The following ACTR3B variants were observed in gnomAD, a reference collection of about 807,000 sequenced individuals.
ACTR3B encodes the protein actin-related protein 3B.
A neutral mutation model predicts 59.0 loss-of-function variants in ACTR3B; 8 were observed. That is an observed-to-expected ratio of 0.14 (90% CI 0.08 to 0.24). The LOEUF (loss-of-function observed/expected upper bound fraction) is 0.24, where lower values mean the gene tolerates loss of function less well. Ranked by LOEUF, ACTR3B falls within the 10% of genes least tolerant of loss-of-function variation. The pLI, the probability that ACTR3B is intolerant of heterozygous loss-of-function variation, is 1.00. For synonymous variants in ACTR3B, 148 were observed against 197.9 expected (o/e 0.75, Z 2.12); for missense variants, 245 against 552.3 (o/e 0.44, Z 5.58).
At chr7:152,761,619 C>T (rs1327342678) in intron 1 of ACTR3B, among the ~76,000 whole-genome samples, 1 of 152,086 alleles carries the variant, frequency 6.6e-6, no homozygotes, top group Admixed American at 6.5e-5. Context: ...TGTTTTGTGG[C>T]CCAAAGTCAT....
chr7:152,847,214 A>C (rs1334722134), intron 9 of ACTR3B, among the ~76,000 whole-genome samples: 1 of 151,864 alleles, frequency 6.6e-6, no homozygotes. Flanking sequence ...TCCGGGCTGT[A>C]GTCTGCAGTG....
chr7:152,789,692 T>G (rs2098188305), intron 2 of ACTR3B, among the ~76,000 whole-genome samples: 1 of 151,980 alleles, frequency 6.6e-6, no homozygotes, highest in African/African-American at 2.4e-5. Flanking sequence ...TTCGTGTTTC[T>G]TTTCTTGGTC....
chr7:152,846,400 G>A (rs1015254910), intron 9 of ACTR3B, among the ~76,000 whole-genome samples: 1 of 149,448 alleles, frequency 6.7e-6, no homozygotes, highest in African/African-American at 2.5e-5. Context: ...TAGTGCCCGG[G>A]GCTGTAGTCT....
chr7:152,760,043 A>G, intron 1 of ACTR3B, 117 bp downstream of exon 1: 1 of 976,558 alleles, frequency 1.0e-6, no homozygotes, highest in Non-Finnish European at 1.3e-6. Context: ...CCCCGCGATC[A>G]CCTGGGCAGG....
chr7:152,806,646 G>A (rs2098252901), intron 4 of ACTR3B, among the ~76,000 whole-genome samples: 1 of 152,136 alleles, frequency 6.6e-6, no homozygotes, highest in Non-Finnish European at 1.5e-5. Context: ...GTTCCAGGAA[G>A]GAGGAGGGTG....
chr7:152,763,174 G>A (rs2098095612), intron 1 of ACTR3B, among the ~76,000 whole-genome samples: 1 of 151,678 alleles, frequency 6.6e-6, no homozygotes, highest in Admixed American at 6.6e-5. Flanking sequence ...AAATTAGCTG[G>A]GTGTGGTGGT....
rs550956515 is a variant in ACTR3B, at chr7:152,771,636, T to G, written c.45-11551T>G. Among the ~76,000 whole-genome samples the G allele has an allele frequency of 2.8e-3, 432 of 152,298 alleles. 3 individuals carry two copies. The highest frequency in any genetic ancestry group is 9.9e-3 in the African/African-American group (413 of 41,552). ...TTCCTGCTGAAGAGAACAGAGTGTG[T>G]GGAACAGATGTAACATTAATAAATA... is the stretch of plus-strand genomic sequence containing the variant. On this transcript the variant is annotated intron_variant, in intron 1 of 11. Coordinates refer to ENST00000256001, the MANE Select transcript of ACTR3B (RefSeq NM_020445.6).
intron 9 of ACTR3B, among the ~76,000 whole-genome samples, chr7:152,847,903 T>G (rs1771612680): frequency 6.6e-6 from 1 of 152,210 alleles, no homozygotes; most frequent in South Asian, 2.1e-4. Flanking sequence ...GATGCGCGTT[T>G]CTTCCCGCCG....
intron 2 of ACTR3B, among the ~76,000 whole-genome samples, chr7:152,791,491 TG>T (rs2098196048): frequency 6.6e-6 from 1 of 152,276 alleles, no homozygotes; most frequent in Admixed American, 6.5e-5. Flanking sequence ...TTTCCTATTT[TG>T]CCCCCAAAGG....
intron 2 of ACTR3B, among the ~76,000 whole-genome samples, chr7:152,798,639 A>G (rs1374660785): frequency 2.0e-5 from 3 of 152,222 alleles, no homozygotes; most frequent in African/African-American, 4.8e-5. Flanking sequence ...TTTTCTTCTA[A>G]TAGTTTCACA....
chr7:152,794,794 T>C (rs2116697349), intron 2 of ACTR3B, among the ~76,000 whole-genome samples: 1 of 152,298 alleles, frequency 6.6e-6, no homozygotes, highest in South Asian at 2.1e-4. Flanking sequence ...AGATCTCCAA[T>C]GTCCTCTTCA....
In ACTR3B at chr7:152,786,336, T is replaced by G. The variant is rs534620925; in HGVS notation, c.100+3094T>G. 4 of 205,360 alleles carry G rather than the reference T, an allele frequency of 1.9e-5. No individual in the cohort carries two copies. The East Asian group carries it at 6.0e-4, about 31-fold the overall frequency. The allele number at this position is 205,360 out of a possible 1,614,324, so 12.7% of individuals were successfully genotyped here. ...GGGAGGCCAAGGTGGGCGAATCACC[T>G]GAGGTCAGGGATTTGAGACCAGCCT... On this transcript the variant is annotated intron_variant, in intron 2 of 11. Coordinates refer to ENST00000256001, the MANE Select transcript of ACTR3B (RefSeq NM_020445.6).
intron 1 of ACTR3B, among the ~76,000 whole-genome samples, chr7:152,772,416 C>T (rs1388981263): frequency 1.3e-5 from 2 of 151,984 alleles, no homozygotes; most frequent in Non-Finnish European, 2.9e-5. Flanking sequence ...TGTCAGTAAC[C>T]TGGGAGGCAG....
chr7:152,815,537 G>T (rs541123836), intron 5 of ACTR3B, among the ~76,000 whole-genome samples: 5 of 152,176 alleles, frequency 3.3e-5, no homozygotes, highest in Admixed American at 3.3e-4. Flanking sequence ...CTTCGTCTTC[G>T]ACCAGGGTTT....
chr7:152,826,521 A>G (rs1796587452), intron 9 of ACTR3B, among the ~76,000 whole-genome samples: 1 of 152,248 alleles, frequency 6.6e-6, no homozygotes, highest in Middle Eastern at 3.2e-3. Context: ...AATACAAAGT[A>G]CAAAGAAAGG....
chr7:152,847,915 G>C (rs2117000557), intron 9 of ACTR3B, among the ~76,000 whole-genome samples: 1 of 152,314 alleles, frequency 6.6e-6, no homozygotes, highest in East Asian at 1.9e-4. Context: ...TTCCCGCCGT[G>C]TCTTCTAATG....
At chr7:152,812,019 C>CTTTTTTTTTTTTTTTTTTTTTTTT (rs1164677748) in intron 4 of ACTR3B, 1 of 23,356 alleles carries the variant, frequency 4.3e-5, no homozygotes, top group African/African-American at 1.1e-4. Flanking sequence ...AAATAAAAGT[C>CTTTTTTTTTTTTTTTTTTTTTTTT]TTTTTTTTTT....
intron 4 of ACTR3B, among the ~76,000 whole-genome samples, chr7:152,804,241 TCAAAGAGATGC>T (rs1329253663): frequency 6.6e-6 from 1 of 152,176 alleles, no homozygotes; most frequent in Non-Finnish European, 1.5e-5. Context: ...CTCAGAGATG[TCAAAGAGATGC>T]AGTGCTCTTG....
At chr7:152,832,550 CT>C (rs1182130539) in intron 9 of ACTR3B, among the ~76,000 whole-genome samples, 1 of 152,072 alleles carries the variant, frequency 6.6e-6, no homozygotes, top group Admixed American at 6.6e-5. Flanking sequence ...CTCACGATCT[CT>C]TTTTCTTTTA....
Sources: allele counts gnomAD v4.1 joint callset (sites outside exome capture counted in the v4.1 genomes callset), GRCh38; gene constraint gnomAD v4.1.1; transcripts MANE v1.5; gene names NCBI Gene and HGNC (gene_info 2026-07-23, HGNC 2026-07-21).